The following NKAIN2 variants were observed in gnomAD, a reference collection of about 807,000 sequenced individuals.
NKAIN2 encodes the protein sodium/potassium-transporting ATPase subunit beta-1-interacting protein 2.
In NKAIN2, 14 loss-of-function variants were observed where a neutral mutation model predicts 32.6. The ratio of observed to expected loss-of-function variants is 0.43; its 90% CI spans 0.28 to 0.67. NKAIN2 has a LOEUF of 0.67. Among genes scored for constraint, NKAIN2 ranks in the 30% least tolerant of loss-of-function variants. The probability of loss-of-function intolerance (pLI) is 0.17; values close to 1 mark genes in which losing one functional copy is unlikely to be tolerated. For missense variants in NKAIN2, 198 were observed against 258.3 expected, an observed-to-expected ratio of 0.77 and a Z score of 1.60; for synonymous variants, 80 against 87.2, an observed-to-expected ratio of 0.92 and a Z score of 0.46.
At chr6:124,103,208 C>T (rs1417269849) in intron 1 of NKAIN2, among the ~76,000 whole-genome samples, 1 of 152,152 alleles carries the variant, frequency 6.6e-6, no homozygotes, top group East Asian at 1.9e-4. Flanking sequence ...GAAACTAGAT[C>T]TTGCTACTGG....
At chr6:124,711,439 A>G (rs1284306432) in intron 4 of NKAIN2, among the ~76,000 whole-genome samples, 5 of 150,118 alleles carry the variant, frequency 3.3e-5, no homozygotes, top group Admixed American at 6.7e-5. Context: ...CATTCTCCCC[A>G]TCACTTTCAG....
At chr6:124,414,012 T>C (rs1378476428) in intron 3 of NKAIN2, among the ~76,000 whole-genome samples, 1 of 141,608 alleles carries the variant, frequency 7.1e-6, no homozygotes, top group Non-Finnish European at 1.5e-5. Flanking sequence ...CTGAATACTT[T>C]GTTCGTTTGT....
chr6:124,785,594 G>A (rs947980532), intron 4 of NKAIN2, among the ~76,000 whole-genome samples: 2 of 152,114 alleles, frequency 1.3e-5, no homozygotes, highest in African/African-American at 4.8e-5. Flanking sequence ...CTGCCAATTG[G>A]GGATAGAAGT....
intron 3 of NKAIN2, among the ~76,000 whole-genome samples, chr6:124,406,299 T>C (rs891248401): frequency 6.6e-6 from 1 of 152,154 alleles, no homozygotes; most frequent in African/African-American, 2.4e-5. Context: ...TATAAACTAG[T>C]TTGCATTATT....
intron 2 of NKAIN2, among the ~76,000 whole-genome samples, chr6:124,307,111 T>A (rs78063005): frequency 0.032 from 4,907 of 152,152 alleles, 241 homozygotes; most frequent in African/African-American, 0.11. Context: ...ACAAGAAAAT[T>A]GTTTTTCTGA....
chr6:124,358,906 G>A (rs1480704285), intron 3 of NKAIN2, among the ~76,000 whole-genome samples: 3 of 150,998 alleles, frequency 2.0e-5, no homozygotes, highest in Non-Finnish European at 4.4e-5. Flanking sequence ...ATGGTTTTAG[G>A]TCTAACATTT....
chr6:123,815,941 T>C (rs1026366161), intron 1 of NKAIN2, among the ~76,000 whole-genome samples: 1 of 152,080 alleles, frequency 6.6e-6, no homozygotes, highest in Non-Finnish European at 1.5e-5. Flanking sequence ...ATACCGTTAA[T>C]ATAGGGCAGC....
At chr6:124,219,196 AT>A (rs1194978518) in intron 1 of NKAIN2, among the ~76,000 whole-genome samples, 1 of 152,182 alleles carries the variant, frequency 6.6e-6, no homozygotes, top group Non-Finnish European at 1.5e-5. Flanking sequence ...GTCCCTTCCA[AT>A]TTTAAAAAAT....
intron 4 of NKAIN2, among the ~76,000 whole-genome samples, chr6:124,664,576 C>T (rs1002395639): frequency 1.3e-5 from 2 of 150,950 alleles, no homozygotes; most frequent in Non-Finnish European, 2.9e-5. Flanking sequence ...GGGCGGATCA[C>T]GAGGTCAGGA....
Position 123,976,372 on chromosome 6 carries a change from CATATATATATATATAT to C in NKAIN2, c.54+172147_54+172162del, listed in dbSNP as rs60189624. Reference sequence around the variant, plus strand: ...CCATATATATATATATATATATTCCCATATATATATATATATATATATATATATATATATATATATA... The same window carrying C: ...CCATATATATATATATATATATTCCCATATATATATATATATATATATATA... On this transcript the variant is annotated intron_variant, in intron 1 of 6. Transcript: ENST00000368417. 1.9e-3 allele frequency among the ~76,000 whole-genome samples: 21 copies of C among 10,924 alleles called. 2 individuals carry two copies. The East Asian group carries it at 0.022, about 11-fold the overall frequency. The allele number at this position is 10,924 out of a possible 152,430, so 7.2% of individuals were successfully genotyped here.
intron 2 of NKAIN2, among the ~76,000 whole-genome samples, chr6:124,311,961 A>G (rs991083184): frequency 1.2e-4 from 18 of 152,192 alleles, no homozygotes; most frequent in African/African-American, 3.6e-4. Context: ...AGTGGTTAAC[A>G]GGATTGACCA....
intron 3 of NKAIN2, among the ~76,000 whole-genome samples, chr6:124,389,922 G>C (rs9491153): frequency 0.19 from 28,303 of 151,970 alleles, 5,052 homozygotes; most frequent in African/African-American, 0.48. Flanking sequence ...GATATTGCTT[G>C]TTGAAGAGGG....
intron 2 of NKAIN2, among the ~76,000 whole-genome samples, chr6:124,351,209 C>A (rs988914203): frequency 2.0e-5 from 3 of 151,754 alleles, no homozygotes; most frequent in African/African-American, 7.3e-5. Flanking sequence ...ATTAAGTAAA[C>A]AAGTCTAGTT....
chr6:124,334,811 T>G (rs1006554837), intron 2 of NKAIN2, among the ~76,000 whole-genome samples: 11 of 152,174 alleles, frequency 7.2e-5, no homozygotes, highest in African/African-American at 2.7e-4. Flanking sequence ...GGGGTTTGTT[T>G]TGGAAAAGGG....
chr6:123,923,162 A>T (rs1562259850), intron 1 of NKAIN2, among the ~76,000 whole-genome samples: 1 of 152,110 alleles, frequency 6.6e-6, no homozygotes, highest in Non-Finnish European at 1.5e-5. Flanking sequence ...ACCCACAAAC[A>T]CCTAAAACAT....
At chr6:124,807,151 T>A (rs1277097875) in intron 5 of NKAIN2, among the ~76,000 whole-genome samples, 1 of 152,052 alleles carries the variant, frequency 6.6e-6, no homozygotes, top group East Asian at 1.9e-4. Flanking sequence ...AATAGACATC[T>A]ACAGAACTCT....
At chr6:124,259,376 G>A (rs1416359591) in intron 1 of NKAIN2, among the ~76,000 whole-genome samples, 1 of 152,096 alleles carries the variant, frequency 6.6e-6, no homozygotes, top group Admixed American at 6.6e-5. Context: ...TCAGTCCCTT[G>A]ATACTATCTG....
intron 5 of NKAIN2, among the ~76,000 whole-genome samples, chr6:124,816,054 A>G (rs550939448): frequency 6.6e-6 from 1 of 152,272 alleles, no homozygotes; most frequent in East Asian, 1.9e-4. Flanking sequence ...ATGCCATTCC[A>G]CTTTGGAAGA....
intron 1 of NKAIN2, among the ~76,000 whole-genome samples, chr6:124,277,313 A>G (rs567714014): frequency 6.6e-6 from 1 of 152,242 alleles, no homozygotes; most frequent in African/African-American, 2.4e-5. Context: ...CTGGAAGTTT[A>G]TCTAAACTTT....
Sources: gnomAD v4.1 joint callset for allele counts (sites outside exome capture counted in the v4.1 genomes callset) on GRCh38, gnomAD v4.1.1 for gene constraint, MANE v1.5 for transcripts, NCBI Gene and HGNC (gene_info 2026-07-23, HGNC 2026-07-21) for gene names.